The following PPARGC1A variants were observed in gnomAD, a reference collection of about 807,000 sequenced individuals.
The protein encoded by PPARGC1A is peroxisome proliferator-activated receptor gamma coactivator 1-alpha.
PPARGC1A carries 25 observed loss-of-function variants against 88.7 expected under a neutral mutation model. The observed-to-expected ratio is 0.28, with a 90% CI of 0.21 to 0.39. The LOEUF (loss-of-function observed/expected upper bound fraction) is 0.39. Ranked by LOEUF, PPARGC1A falls within the 10% of genes least tolerant of loss-of-function variation. The probability of loss-of-function intolerance (pLI) is 1.00; values close to 1 mark genes in which losing one functional copy is unlikely to be tolerated. For synonymous variants in PPARGC1A, 363 were observed against 355.6 expected (o/e 1.02, Z -0.24); for missense variants, 880 against 968.7 (o/e 0.91, Z 1.22).
At chr4:24,000,054 CT>C in the PPARGC1A span, among the ~76,000 whole-genome samples, 23 of 152,134 alleles carry the variant, frequency 1.5e-4, no homozygotes, top group African/African-American at 5.3e-4. Context: ...TTCCTTCCTT[CT>C]TTCCTACCTT....
chr4:23,966,013 C>A, the PPARGC1A span, among the ~76,000 whole-genome samples: 2 of 151,964 alleles, frequency 1.3e-5, no homozygotes, highest in Non-Finnish European at 2.9e-5. Flanking sequence ...GGAAATTACC[C>A]ACCATTTGCA....
the PPARGC1A span, among the ~76,000 whole-genome samples, chr4:24,467,355 T>C: frequency 6.6e-6 from 1 of 152,216 alleles, no homozygotes; most frequent in African/African-American, 2.4e-5. Context: ...CTTAAAACTC[T>C]TTTGCAGTTC....
chr4:23,911,907 A>G, the PPARGC1A span, among the ~76,000 whole-genome samples: 1 of 152,186 alleles, frequency 6.6e-6, no homozygotes, highest in Non-Finnish European at 1.5e-5. Flanking sequence ...TGTGTAACTG[A>G]AACTAAAAAG....
At chr4:23,849,005 G>A (rs1001738385) in intron 2 of PPARGC1A, among the ~76,000 whole-genome samples, 8 of 152,074 alleles carry the variant, frequency 5.3e-5, no homozygotes, top group Admixed American at 3.3e-4. Context: ...TTAGCCGGGC[G>A]TGGTAGCGGG....
chr4:23,993,777 A>C, the PPARGC1A span, among the ~76,000 whole-genome samples: 2 of 152,132 alleles, frequency 1.3e-5, no homozygotes, highest in Admixed American at 1.3e-4. Flanking sequence ...AGGCTATTGG[A>C]AAGTCAGCAG....
At chr4:23,940,977 A>T in the PPARGC1A span, among the ~76,000 whole-genome samples, 1 of 152,236 alleles carries the variant, frequency 6.6e-6, no homozygotes, top group Non-Finnish European at 1.5e-5. Flanking sequence ...TGTCTCATAA[A>T]ATTAATGTTT....
chr4:23,838,970 G>A (rs1263330301), intron 2 of PPARGC1A, among the ~76,000 whole-genome samples: 4 of 152,078 alleles, frequency 2.6e-5, no homozygotes, highest in Admixed American at 6.6e-5. Flanking sequence ...GGAAAGCAAC[G>A]ATCAAAAACC....
the PPARGC1A span, among the ~76,000 whole-genome samples, chr4:24,177,946 G>A: frequency 1.3e-5 from 2 of 152,260 alleles, no homozygotes; most frequent in African/African-American, 4.8e-5. Flanking sequence ...AATTTTGAAG[G>A]TTACCTTGTA....
At chr4:24,154,748 T>C in the PPARGC1A span, among the ~76,000 whole-genome samples, 9 of 152,296 alleles carry the variant, frequency 5.9e-5, no homozygotes, top group Admixed American at 2.0e-4. Flanking sequence ...AGCTCTTCTG[T>C]CTGTCCTCAA....
At chr4:24,242,441 A>G in the PPARGC1A span, among the ~76,000 whole-genome samples, 1 of 152,098 alleles carries the variant, frequency 6.6e-6, no homozygotes, top group African/African-American at 2.4e-5. Flanking sequence ...CCTACCTGGA[A>G]CACCTTCCCT....
chr4:24,368,131 T>A, the PPARGC1A span, among the ~76,000 whole-genome samples: 4 of 152,206 alleles, frequency 2.6e-5, no homozygotes, highest in African/African-American at 9.7e-5. Flanking sequence ...ACCTCAGTGC[T>A]TTGCTGTATG....
chr4:23,870,668 A>C (rs978518069), intron 2 of PPARGC1A, among the ~76,000 whole-genome samples: 2 of 152,222 alleles, frequency 1.3e-5, no homozygotes, highest in Non-Finnish European at 2.9e-5. Flanking sequence ...GTATCTGGGA[A>C]TAAAATGTGC....
the PPARGC1A span, among the ~76,000 whole-genome samples, chr4:24,060,932 A>G: frequency 2.6e-5 from 4 of 152,226 alleles, no homozygotes; most frequent in African/African-American, 9.6e-5. Flanking sequence ...ACTCCATTTT[A>G]CAGATGAGAA....
the PPARGC1A span, among the ~76,000 whole-genome samples, chr4:24,443,958 A>G: frequency 6.6e-6 from 1 of 152,200 alleles, no homozygotes; most frequent in Non-Finnish European, 1.5e-5. Context: ...GCCCAAGCAA[A>G]AAACAAACAA....
At chr4:24,450,393 C>A in the PPARGC1A span, among the ~76,000 whole-genome samples, 1 of 152,186 alleles carries the variant, frequency 6.6e-6, no homozygotes, top group Non-Finnish European at 1.5e-5. Context: ...GATCAGAAAG[C>A]TGAGGATTAG....
chr4:24,145,865 G>A, the PPARGC1A span, among the ~76,000 whole-genome samples: 1 of 152,156 alleles, frequency 6.6e-6, no homozygotes, highest in Non-Finnish European at 1.5e-5. Context: ...ATTAGTGCCT[G>A]TAAGTGGGTG....
At chr4:24,436,964 T>C in the PPARGC1A span, among the ~76,000 whole-genome samples, 1 of 151,914 alleles carries the variant, frequency 6.6e-6, no homozygotes, top group East Asian at 1.9e-4. Flanking sequence ...TCTGGCGGGC[T>C]GGCTCTAGGG....
chr4:24,436,121 C>G, the PPARGC1A span, among the ~76,000 whole-genome samples: 2 of 152,110 alleles, frequency 1.3e-5, no homozygotes, highest in Non-Finnish European at 2.9e-5. Context: ...TTAGATATTC[C>G]CGATCAATAT....
At chr4:24,062,854 T>C in the PPARGC1A span, among the ~76,000 whole-genome samples, 4 of 152,366 alleles carry the variant, frequency 2.6e-5, no homozygotes, top group African/African-American at 9.6e-5. Flanking sequence ...ATTCTTATTT[T>C]TTAGTCCTTG....
Sources: allele counts gnomAD v4.1 joint callset (sites outside exome capture counted in the v4.1 genomes callset), GRCh38; gene constraint gnomAD v4.1.1; transcripts MANE v1.5; gene names NCBI Gene and HGNC (gene_info 2026-07-23, HGNC 2026-07-21).